FAM117B: variants seen among roughly 807,000 people sequenced by gnomAD.
FAM117B encodes protein FAM117B.
In FAM117B, 22 loss-of-function variants were observed where a neutral mutation model predicts 52.8. That is an observed-to-expected ratio of 0.42 (90% confidence interval 0.30 to 0.59). The LOEUF is 0.59. Ranked by LOEUF, FAM117B falls within the 20% of genes least tolerant of loss-of-function variation. FAM117B has a pLI of 0.22. For missense variants in FAM117B, 678 were observed against 802.6 expected (o/e 0.84, Z 1.88); for synonymous variants, 309 against 324.1 (o/e 0.95, Z 0.50).
intron 2 of FAM117B, among the ~76,000 whole-genome samples, chr2:202,712,516 C>T (rs997107083): frequency 2.0e-5 from 3 of 147,886 alleles, no homozygotes; most frequent in African/African-American, 7.6e-5. Flanking sequence ...TGACTTCTTC[C>T]ATTACAGTTT....
chr2:202,717,124 C>T (rs1358326538), intron 2 of FAM117B, among the ~76,000 whole-genome samples: 2 of 152,106 alleles, frequency 1.3e-5, no homozygotes, highest in African/African-American at 4.8e-5. Flanking sequence ...CTTTGTAGTC[C>T]AGGCTTGTTT....
chr2:202,688,963 G>A (rs570182038), intron 1 of FAM117B, among the ~76,000 whole-genome samples: 21 of 152,322 alleles, frequency 1.4e-4, no homozygotes, highest in Non-Finnish European at 1.9e-4. Flanking sequence ...ATAGGATAAT[G>A]TACAAGTATT....
chr2:202,689,746 C>T (rs1215722166), intron 1 of FAM117B, among the ~76,000 whole-genome samples: 2 of 151,978 alleles, frequency 1.3e-5, no homozygotes, highest in African/African-American at 4.8e-5. Flanking sequence ...GGTGAAACTC[C>T]ATCCCTACAA....
At chr2:202,701,235 C>T (rs1053256561) in intron 2 of FAM117B, among the ~76,000 whole-genome samples, 4 of 152,164 alleles carry the variant, frequency 2.6e-5, no homozygotes, top group African/African-American at 9.7e-5. Flanking sequence ...AACGACAAAG[C>T]CTGGATGCCA....
At position 202,635,866 on chromosome 2, in the gene FAM117B, G is replaced by T. The variant is rs892427295; in HGVS notation, c.601+78G>T. 22 of 1,308,052 alleles carry T rather than the reference G, an allele frequency of 1.7e-5. No homozygotes were observed. The Admixed American group carries it at 8.4e-4, about 50-fold the overall frequency. The allele number at this position is 1,308,052 out of a possible 1,614,324, so 81.0% of individuals were successfully genotyped here. The stretch of plus-strand genomic sequence containing the variant: ...CGGGCGCGCGCTGCAATCGCGCGGG[G>T]ACTGCAGAGCTGCCGCGGAGCCCGG... On this transcript the variant is annotated intron_variant, in intron 1 of 7. Coordinates refer to ENST00000392238, the MANE Select transcript of FAM117B (RefSeq NM_173511.4).
In FAM117B at chr2:202,767,085, A is replaced by G. The variant is rs184682045; in HGVS notation, c.*1321A>G. ...GTTTTGGATTAGGGCTCATCCTAAT[A>G]TAAATCACTGCCAGTATCACATGAC... On this transcript the variant is annotated 3_prime_UTR_variant, in exon 8 of 8. Transcript: ENST00000392238. The G allele has an allele frequency of 6.6e-6, 1 of 152,636 alleles. No homozygotes were observed. Among genetic ancestry groups the G allele is most frequent in the East Asian group, 1.9e-4 (1 of 5,184 alleles). The allele number at this position is 152,636 out of a possible 1,614,324, so 9.5% of individuals were successfully genotyped here.
intron 1 of FAM117B, among the ~76,000 whole-genome samples, chr2:202,687,576 A>AT (rs1264624630): frequency 6.6e-6 from 1 of 151,912 alleles, no homozygotes; most frequent in African/African-American, 2.4e-5. Context: ...CATCTGGCTT[A>AT]TTTTTACATT....
intron 2 of FAM117B, among the ~76,000 whole-genome samples, chr2:202,715,191 G>A (rs1313709786): frequency 1.3e-3 from 199 of 150,772 alleles, no homozygotes; most frequent in Non-Finnish European, 2.2e-3. Context: ...CGGACGGGTC[G>A]GCTGGCCGGG....
intron 2 of FAM117B, among the ~76,000 whole-genome samples, chr2:202,711,783 C>G (rs1021030057): frequency 2.6e-5 from 4 of 152,156 alleles, no homozygotes; most frequent in Non-Finnish European, 5.9e-5. Flanking sequence ...TTCCCCAGCA[C>G]CGTTTATTGA....
chr2:202,635,178 G>C lies in FAM117B; in HGVS notation c.-10G>C, dbSNP rs957018031. ...CCCGTCTCGCCCAGTCACCGGGGAG[G>C]GGGGGGACCATGTCCCAGCGGGTGA... On this transcript the variant is annotated 5_prime_UTR_variant, in exon 1 of 8. Transcript: ENST00000392238. 3 of 1,274,492 alleles carry C rather than the reference G, an allele frequency of 2.4e-6. No homozygotes were observed. Among genetic ancestry groups the C allele is most frequent in the African/African-American group, 1.5e-5 (1 of 64,558 alleles). The allele number at this position is 1,274,492 out of a possible 1,614,324, so 78.9% of individuals were successfully genotyped here. A position where few individuals can be genotyped will look rare whatever the true frequency, so the allele number is the denominator to read the frequency against.
chr2:202,708,841 C>T (rs1006438885), intron 2 of FAM117B, among the ~76,000 whole-genome samples: 9 of 151,920 alleles, frequency 5.9e-5, no homozygotes, highest in African/African-American at 1.5e-4. Context: ...TGGCCTCAAG[C>T]GATCCTCCCA....
chr2:202,678,058 T>G (rs1167445491), intron 1 of FAM117B, among the ~76,000 whole-genome samples: 3 of 152,196 alleles, frequency 2.0e-5, no homozygotes, highest in Non-Finnish European at 4.4e-5. Context: ...AAGTGTGATA[T>G]ATTAATATGA....
At chr2:202,638,262 G>A (rs1689717201) in intron 1 of FAM117B, among the ~76,000 whole-genome samples, 1 of 152,192 alleles carries the variant, frequency 6.6e-6, no homozygotes, top group Non-Finnish European at 1.5e-5. Context: ...CAGGTGGAAG[G>A]GAAGGAGCTG....
chr2:202,653,688 T>G (rs1019967512), intron 1 of FAM117B, among the ~76,000 whole-genome samples: 19 of 152,360 alleles, frequency 1.2e-4, no homozygotes, highest in Admixed American at 6.5e-4. Flanking sequence ...TAATTGAACC[T>G]TAGAAATCCT....
At chr2:202,719,654 T>A (rs1691118883) in intron 2 of FAM117B, among the ~76,000 whole-genome samples, 1 of 152,172 alleles carries the variant, frequency 6.6e-6, no homozygotes, top group South Asian at 2.1e-4. Flanking sequence ...AAGATTGATA[T>A]AATACTGTTA....
At chr2:202,718,426 T>C (rs2105784813) in intron 2 of FAM117B, among the ~76,000 whole-genome samples, 1 of 152,338 alleles carries the variant, frequency 6.6e-6, no homozygotes, top group South Asian at 2.1e-4. Flanking sequence ...AGAGTGAATT[T>C]TGTGAGTTTT....
chr2:202,655,761 A>AGTGTGTGTGTGTGTGTGTGTGT (rs1182174843), intron 1 of FAM117B, among the ~76,000 whole-genome samples: 2 of 100,368 alleles, frequency 2.0e-5, no homozygotes, highest in African/African-American at 6.9e-5. Flanking sequence ...AGAGAGAGAG[A>AGTGTGTGTGTGTGTGTGTGTGT]GTGTGTGTGT....
chr2:202,759,940 A>G (rs929625547), intron 7 of FAM117B, among the ~76,000 whole-genome samples: 3 of 152,250 alleles, frequency 2.0e-5, no homozygotes, highest in African/African-American at 4.8e-5. Flanking sequence ...GGCACAAGCA[A>G]TCCTCCTGCC....
chr2:202,709,206 T>C (rs1352961599), intron 2 of FAM117B, among the ~76,000 whole-genome samples: 2 of 143,692 alleles, frequency 1.4e-5, no homozygotes, highest in African/African-American at 2.5e-5. Context: ...TCCTTAGACC[T>C]TTTTTTTTTT....
Sources: gnomAD v4.1 joint callset for allele counts (sites outside exome capture counted in the v4.1 genomes callset) on GRCh38, gnomAD v4.1.1 for gene constraint, MANE v1.5 for transcripts, NCBI Gene and HGNC (gene_info 2026-07-23, HGNC 2026-07-21) for gene names.